Variants in PRKCA observed in about 807,000 individuals in gnomAD.
The protein encoded by PRKCA is protein kinase C alpha type.
PRKCA carries 27 observed loss-of-function variants against 87.0 expected under a neutral mutation model. That is an observed-to-expected ratio of 0.31 (90% CI 0.23 to 0.43). PRKCA has a LOEUF of 0.43. Ranked by LOEUF, PRKCA falls within the 20% of genes least tolerant of loss-of-function variation. PRKCA has a pLI of 1.00. For missense variants in PRKCA, 518 were observed against 852.3 expected (o/e 0.61, Z 4.88); for synonymous variants, 329 against 311.1 (o/e 1.06, Z -0.61).
intron 4 of PRKCA, among the ~76,000 whole-genome samples, chr17:66,643,088 A>G (rs1377743818): frequency 2.0e-5 from 3 of 152,194 alleles, no homozygotes; most frequent in South Asian, 2.1e-4. Flanking sequence ...TTCCAAAGAC[A>G]TGGTTTTCAG....
At chr17:66,619,678 A>G (rs920600548) in intron 3 of PRKCA, among the ~76,000 whole-genome samples, 11 of 152,182 alleles carry the variant, frequency 7.2e-5, no homozygotes, top group African/African-American at 2.7e-4. Flanking sequence ...GGCAGAGCTC[A>G]ACTATGTGGA....
At chr17:66,394,336 GCA>G (rs978143652) in intron 2 of PRKCA, among the ~76,000 whole-genome samples, 2 of 152,226 alleles carry the variant, frequency 1.3e-5, no homozygotes, top group Non-Finnish European at 2.9e-5. Flanking sequence ...GTGTGCTTGG[GCA>G]CAGTTAGGGA....
intron 3 of PRKCA, among the ~76,000 whole-genome samples, chr17:66,579,382 A>G (rs1969347134): frequency 6.6e-6 from 1 of 152,116 alleles, no homozygotes; most frequent in Non-Finnish European, 1.5e-5. Context: ...TGCGATCAAG[A>G]TGTGTGAAAG....
chr17:66,661,045 C>T (rs992488599), intron 5 of PRKCA, among the ~76,000 whole-genome samples: 5 of 152,142 alleles, frequency 3.3e-5, no homozygotes, highest in Non-Finnish European at 7.3e-5. Flanking sequence ...ATACTGAGAA[C>T]CCAAGATTCT....
At chr17:66,396,172 G>C (rs1340383989) in intron 2 of PRKCA, among the ~76,000 whole-genome samples, 4 of 151,846 alleles carry the variant, frequency 2.6e-5, no homozygotes, top group African/African-American at 9.7e-5. Context: ...GCTACTTGTT[G>C]AATGAAATTA....
intron 3 of PRKCA, among the ~76,000 whole-genome samples, chr17:66,576,411 C>G (rs1270855347): frequency 6.6e-6 from 1 of 152,196 alleles, no homozygotes; most frequent in African/African-American, 2.4e-5. Context: ...GGCTTAAGCC[C>G]ATACTATAGA....
chr17:66,678,196 A>T (rs1255201362), intron 5 of PRKCA, among the ~76,000 whole-genome samples: 5 of 152,206 alleles, frequency 3.3e-5, no homozygotes, highest in African/African-American at 1.2e-4. Context: ...ACAGAGAAGA[A>T]GGTGATGTGG....
At chr17:66,788,258 G>A (rs1212081597) in intron 15 of PRKCA, among the ~76,000 whole-genome samples, 1 of 152,206 alleles carries the variant, frequency 6.6e-6, no homozygotes, top group Non-Finnish European at 1.5e-5. Flanking sequence ...CTGAGATCGG[G>A]AGGAACTGGC....
chr17:66,572,363 A>G (rs554749728), intron 3 of PRKCA, among the ~76,000 whole-genome samples: 44 of 152,256 alleles, frequency 2.9e-4, no homozygotes, highest in Middle Eastern at 3.4e-3. Context: ...GCTACTCAGG[A>G]GGCTGAGGCA....
chr17:66,426,834 C>T (rs1912833109), intron 2 of PRKCA, among the ~76,000 whole-genome samples: 1 of 152,134 alleles, frequency 6.6e-6, no homozygotes, highest in South Asian at 2.1e-4. Flanking sequence ...GCATGTATCT[C>T]CTGGAGCAGT....
At chr17:66,713,514 G>C (rs1477282268) in intron 8 of PRKCA, among the ~76,000 whole-genome samples, 29 of 152,188 alleles carry the variant, frequency 1.9e-4, no homozygotes, top group Admixed American at 1.9e-3. Flanking sequence ...ACAGAGATGA[G>C]AAGTGTCAAG....
At chr17:66,672,614 A>G (rs985054714) in intron 5 of PRKCA, among the ~76,000 whole-genome samples, 1 of 152,160 alleles carries the variant, frequency 6.6e-6, no homozygotes, top group Non-Finnish European at 1.5e-5. Flanking sequence ...TAGAACAAGA[A>G]AAAAAGTATC....
chr17:66,608,279 G>A (rs1337858579), intron 3 of PRKCA, among the ~76,000 whole-genome samples: 4 of 152,108 alleles, frequency 2.6e-5, no homozygotes, highest in Admixed American at 2.6e-4. Context: ...TGGTGGAGTG[G>A]AGGGCCTCAC....
At chr17:66,751,223 A>G (rs1469025196) in intron 13 of PRKCA, among the ~76,000 whole-genome samples, 1 of 152,228 alleles carries the variant, frequency 6.6e-6, no homozygotes, top group Admixed American at 6.5e-5. Flanking sequence ...CCACGCACTT[A>G]ACGCCTGTTA....
chr17:66,567,317 C>T (rs1486272770), intron 3 of PRKCA, among the ~76,000 whole-genome samples: 2 of 152,216 alleles, frequency 1.3e-5, no homozygotes, highest in Non-Finnish European at 1.5e-5. Flanking sequence ...CACCGAACAA[C>T]TTCTGGAACA....
intron 3 of PRKCA, among the ~76,000 whole-genome samples, chr17:66,574,738 A>G (rs1324944261): frequency 6.6e-6 from 1 of 151,854 alleles, no homozygotes; most frequent in Non-Finnish European, 1.5e-5. Context: ...AAAAAAAAAA[A>G]TCCTAAATTC....
rs1293081514 is a variant in PRKCA, at chr17:66,577,427, G to T, written c.289-63928G>T. ...GTGATTCTGAGCAATGTGGGATGTG[G>T]ACTGCAGCCTGGGCAAGGGAGTCCC... On this transcript the variant is annotated intron_variant, in intron 3 of 16. Coordinates refer to ENST00000413366, the MANE Select transcript of PRKCA (RefSeq NM_002737.3). 5.3e-5 allele frequency among the ~76,000 whole-genome samples: 8 copies of T among 152,250 alleles called. No homozygotes were observed. The South Asian group carries it at 1.5e-3, about 28-fold the overall frequency.
intron 8 of PRKCA, among the ~76,000 whole-genome samples, chr17:66,713,395 C>T (rs753719308): frequency 6.6e-6 from 1 of 152,036 alleles, no homozygotes; most frequent in Non-Finnish European, 1.5e-5. Context: ...TGGGAGACCC[C>T]GGTTGTACAT....
intron 9 of PRKCA, 138 bp downstream of exon 9, chr17:66,732,963 A>G: frequency 9.1e-7 from 1 of 1,093,804 alleles, no homozygotes; most frequent in Non-Finnish European, 1.3e-6. Context: ...CATCCTGGCT[A>G]ACACGGTGAA....
Sources: allele counts gnomAD v4.1 joint callset (sites outside exome capture counted in the v4.1 genomes callset), GRCh38; gene constraint gnomAD v4.1.1; transcripts MANE v1.5; gene names NCBI Gene and HGNC (gene_info 2026-07-23, HGNC 2026-07-21).